The following DCT variants were observed in gnomAD, a reference collection of about 807,000 sequenced individuals.
DCT encodes dopachrome tautomerase, also known as L-dopachrome tautomerase.
Under a neutral mutation model 53.0 loss-of-function variants are expected in DCT, and 47 were observed. That is an observed-to-expected ratio of 0.89 (90% CI 0.70 to 1.13). The LOEUF is 1.13. Among genes scored for constraint, DCT ranks in the 50% most tolerant of loss-of-function variants. The pLI is 0.00. For missense variants in DCT, 669 were observed against 637.4 expected, an observed-to-expected ratio of 1.05 and a Z score of -0.53; for synonymous variants, 244 against 237.0, an observed-to-expected ratio of 1.03 and a Z score of -0.27.
the DCT span, among the ~76,000 whole-genome samples, chr13:94,547,181 AT>A: frequency 6.6e-6 from 1 of 151,842 alleles, no homozygotes; most frequent in Non-Finnish European, 1.5e-5. Context: ...CAGTGGCATA[AT>A]CTCAGCTCAC....
chr13:94,544,712 A>C, the DCT span, among the ~76,000 whole-genome samples: 1 of 152,254 alleles, frequency 6.6e-6, no homozygotes, highest in Non-Finnish European at 1.5e-5. Flanking sequence ...TCCACACAGA[A>C]GTTTTATTTC....
At chr13:94,511,239 T>C in the DCT span, among the ~76,000 whole-genome samples, 894 of 152,254 alleles carry the variant, frequency 5.9e-3, 13 homozygotes, top group African/African-American at 0.02. Flanking sequence ...TCCAGCTACA[T>C]TGAACTGCTG....
upstream of DCT, among the ~76,000 whole-genome samples, chr13:94,482,271 A>G (rs1024400873): frequency 4.6e-5 from 7 of 152,192 alleles, no homozygotes. Flanking sequence ...ACTAGCTTAA[A>G]AGATCCTCCA....
intron 6 of DCT, among the ~76,000 whole-genome samples, chr13:94,448,471 A>G (rs552438158): frequency 1.3e-5 from 2 of 152,364 alleles, no homozygotes; most frequent in Non-Finnish European, 1.5e-5. Flanking sequence ...ATTCCTCAAT[A>G]AGGTACCTTG....
the DCT span, among the ~76,000 whole-genome samples, chr13:94,538,101 T>C: frequency 6.6e-6 from 1 of 151,764 alleles, no homozygotes; most frequent in Non-Finnish European, 1.5e-5. Flanking sequence ...GTGGATAAGG[T>C]ATAGGGAGTA....
At chr13:94,530,796 C>T in the DCT span, among the ~76,000 whole-genome samples, 1 of 152,092 alleles carries the variant, frequency 6.6e-6, no homozygotes. Flanking sequence ...CCAGGGCAAT[C>T]AGGCAGAAGA....
the DCT span, among the ~76,000 whole-genome samples, chr13:94,489,617 T>C: frequency 6.6e-6 from 1 of 152,194 alleles, no homozygotes; most frequent in South Asian, 2.1e-4. Context: ...ATTATATTAT[T>C]ACTTGTTTGA....
chr13:94,477,518 G>A (rs1885173361), intron 1 of DCT, among the ~76,000 whole-genome samples: 1 of 152,214 alleles, frequency 6.6e-6, no homozygotes, highest in African/African-American at 2.4e-5. Context: ...GTCAAAGGTT[G>A]AAAAACTACC....
the DCT span, among the ~76,000 whole-genome samples, chr13:94,504,839 A>G: frequency 6.6e-6 from 1 of 152,164 alleles, no homozygotes; most frequent in Non-Finnish European, 1.5e-5. Context: ...TAGGTGTGTG[A>G]AAAATAAGAA....
the DCT span, among the ~76,000 whole-genome samples, chr13:94,507,844 C>T: frequency 6.6e-6 from 1 of 152,194 alleles, no homozygotes; most frequent in African/African-American, 2.4e-5. Context: ...GATATTAGCT[C>T]AGTTTTAATT....
the DCT span, among the ~76,000 whole-genome samples, chr13:94,543,208 T>TA: frequency 1.3e-5 from 2 of 152,220 alleles, no homozygotes; most frequent in African/African-American, 4.8e-5. Flanking sequence ...GTTTTGCTTC[T>TA]AGTCACTTAG....
At chr13:94,535,743 G>A in the DCT span, among the ~76,000 whole-genome samples, 1 of 152,198 alleles carries the variant, frequency 6.6e-6, no homozygotes, top group African/African-American at 2.4e-5. Context: ...AATTGCAGAG[G>A]TCGTCAATAA....
the DCT span, among the ~76,000 whole-genome samples, chr13:94,511,323 C>T: frequency 6.6e-6 from 1 of 150,760 alleles, no homozygotes; most frequent in South Asian, 2.1e-4. Flanking sequence ...GAAGGCTGTT[C>T]GTGTTCCCCT....
At chr13:94,507,172 A>G in the DCT span, among the ~76,000 whole-genome samples, 50 of 152,286 alleles carry the variant, frequency 3.3e-4, no homozygotes, top group Non-Finnish European at 2.5e-4. Context: ...CTCAAATAAG[A>G]TCTCCGAATG....
At chr13:94,505,937 G>A in the DCT span, among the ~76,000 whole-genome samples, 1 of 152,148 alleles carries the variant, frequency 6.6e-6, no homozygotes, top group Non-Finnish European at 1.5e-5. Flanking sequence ...ATCTCCAGCT[G>A]AGCCTTAAGA....
rs189031519 is a variant in DCT, at chr13:94,479,505, G to A, written c.-250C>T. 3.3e-5 allele frequency: 14 copies of A among 420,446 alleles called. No individual in the cohort carries two copies. Among genetic ancestry groups the A allele is most frequent in the East Asian group, 1.1e-4 (3 of 26,366 alleles). The allele number at this position is 420,446 out of a possible 1,614,324, so 26.0% of individuals were successfully genotyped here. On this transcript the variant is annotated 5_prime_UTR_variant, in exon 1 of 8. Transcript: ENST00000377028. ...TAACAGACTTAATTTCCTTAGAAGC[G>A]CCTCTAACAACCAAATTTAATGAGG...
At chr13:94,457,952 C>T (rs185444044) in intron 6 of DCT, among the ~76,000 whole-genome samples, 27 of 152,252 alleles carry the variant, frequency 1.8e-4, no homozygotes, top group Middle Eastern at 6.8e-3. Flanking sequence ...CAGACATAAA[C>T]GATTTCGTAG....
chr13:94,439,788 T>C lies in DCT; in HGVS notation c.*110A>G, dbSNP rs1882146241. 5 of 799,878 alleles carry C rather than the reference T, an allele frequency of 6.3e-6. No homozygotes were observed. The East Asian group carries it at 1.3e-4, about 20-fold the overall frequency. The allele number at this position is 799,878 out of a possible 1,614,324, so 49.5% of individuals were successfully genotyped here. Reference sequence around the variant, plus strand: ...AGATCATCATCACTATAGAAGAACCTATGTCAAAGATCTTCAACTCAAGAA... The same window carrying C: ...AGATCATCATCACTATAGAAGAACCCATGTCAAAGATCTTCAACTCAAGAA... On this transcript the variant is annotated 3_prime_UTR_variant, in exon 8 of 8. Coordinates refer to ENST00000377028, the MANE Select transcript of DCT (RefSeq NM_001922.5).
At chr13:94,502,451 T>C in the DCT span, among the ~76,000 whole-genome samples, 1 of 152,172 alleles carries the variant, frequency 6.6e-6, no homozygotes. Context: ...CCAGACTCTT[T>C]GGGAGAGTGG....
Sources: gnomAD v4.1 joint callset for allele counts (sites outside exome capture counted in the v4.1 genomes callset) on GRCh38, gnomAD v4.1.1 for gene constraint, MANE v1.5 for transcripts, NCBI Gene and HGNC (gene_info 2026-07-23, HGNC 2026-07-21) for gene names.